The following DNM3 variants were observed in gnomAD, a reference collection of about 807,000 sequenced individuals.
The protein encoded by DNM3 is dynamin 3.
DNM3 carries 47 observed loss-of-function variants against 101.6 expected under a neutral mutation model. That is an observed-to-expected ratio of 0.46 (90% CI 0.37 to 0.59). The LOEUF (loss-of-function observed/expected upper bound fraction) is 0.59. DNM3 is among the 20% of genes least tolerant of loss of function. DNM3 has a pLI of 0.00. For missense variants in DNM3, 849 were observed against 1,085.7 expected (o/e 0.78, Z 3.06); for synonymous variants, 385 against 387.9 (o/e 0.99, Z 0.09).
At chr1:172,407,502 G>A (rs1354004502) in intron 20 of DNM3, among the ~76,000 whole-genome samples, 1 of 151,860 alleles carries the variant, frequency 6.6e-6, no homozygotes. Flanking sequence ...CGTTTCAGAT[G>A]GCTTTCAAAT....
chr1:172,221,576 T>G (rs2060907825), intron 14 of DNM3, among the ~76,000 whole-genome samples: 1 of 152,174 alleles, frequency 6.6e-6, no homozygotes, highest in African/African-American at 2.4e-5. Flanking sequence ...TTCATTCTAC[T>G]AATACTAAGT....
At chr1:172,275,830 A>G (rs1423993523) in intron 15 of DNM3, among the ~76,000 whole-genome samples, 1 of 152,114 alleles carries the variant, frequency 6.6e-6, no homozygotes, top group African/African-American at 2.4e-5. Flanking sequence ...CTTGAAGAGT[A>G]TTTCCTTACT....
At chr1:172,351,556 C>T (rs940910049) in intron 17 of DNM3, among the ~76,000 whole-genome samples, 2 of 152,184 alleles carry the variant, frequency 1.3e-5, no homozygotes, top group African/African-American at 4.8e-5. Flanking sequence ...AAAAATTCTT[C>T]AGGCTGAAAC....
chr1:172,242,728 C>T (rs2061795638), intron 14 of DNM3, among the ~76,000 whole-genome samples: 1 of 152,198 alleles, frequency 6.6e-6, no homozygotes, highest in Non-Finnish European at 1.5e-5. Flanking sequence ...CAGGCATGAG[C>T]TCCTGTACCT....
intron 15 of DNM3, among the ~76,000 whole-genome samples, chr1:172,268,379 C>T (rs1573219586): frequency 6.6e-6 from 1 of 151,972 alleles, no homozygotes; most frequent in African/African-American, 2.4e-5. Flanking sequence ...TTGTTCTAGT[C>T]CCTCATTGCA....
At chr1:172,241,432 G>A (rs1487023220) in intron 14 of DNM3, among the ~76,000 whole-genome samples, 2 of 151,780 alleles carry the variant, frequency 1.3e-5, no homozygotes, top group Non-Finnish European at 2.9e-5. Context: ...TGCTTTACTG[G>A]CTATTCATTT....
At chr1:171,980,223 GGGTCC>G (rs1279014758) in intron 2 of DNM3, among the ~76,000 whole-genome samples, 2 of 146,976 alleles carry the variant, frequency 1.4e-5, no homozygotes, top group African/African-American at 5.1e-5. Context: ...TTTTATATCT[GGGTCC>G]TATGTAATTA....
chr1:171,993,478 C>T (rs918761085), intron 4 of DNM3, among the ~76,000 whole-genome samples: 1 of 149,420 alleles, frequency 6.7e-6, no homozygotes, highest in African/African-American at 2.5e-5. Context: ...ATTTTCTTCT[C>T]TCCTGCTGCT....
At chr1:171,862,327 A>C (rs2034260485) in intron 1 of DNM3, among the ~76,000 whole-genome samples, 2 of 152,236 alleles carry the variant, frequency 1.3e-5, no homozygotes, top group Non-Finnish European at 2.9e-5. Context: ...CAAAAGGTGG[A>C]AACACCCAAA....
At chr1:172,005,462 T>C (rs1030612516) in intron 4 of DNM3, among the ~76,000 whole-genome samples, 1 of 152,050 alleles carries the variant, frequency 6.6e-6, no homozygotes, top group Non-Finnish European at 1.5e-5. Flanking sequence ...CACTCAGCAA[T>C]GTTGACCATT....
Position 172,081,848 on chromosome 1 carries a change from A to G in DNM3, c.1439A>G (p.Asp480Gly). 6.2e-7 allele frequency: 1 copy of G among 1,612,800 alleles called. No homozygotes were observed. Residue 480 changes from aspartate (D) to glycine (G), a missense_variant, in exon 12 of 21, where the codon GAC (aspartate) becomes GGC (glycine). This residue lies in a region of DNM3 where 193 missense variants were observed against 238.4 expected (regional missense o/e 0.81). Transcript: ENST00000627582. ...KTKDQVLLLIDIQVSYINTNH... is the reference protein window; with the variant it reads ...KTKDQVLLLIGIQVSYINTNH... ...GACTTATAGGTATTGCTATTGATTG[A>G]CATTCAAGTCTCTTACATCAACACC...
Position 172,139,210 on chromosome 1 carries a change from C to A in DNM3, c.1659+7922C>A, listed in dbSNP as rs139031456. 175 of 269,556 alleles carry A rather than the reference C, an allele frequency of 6.5e-4. 2 individuals are homozygous for A. The East Asian group carries it at 0.011, about 16-fold the overall frequency. The allele number at this position is 269,556 out of a possible 1,614,324, so 16.7% of individuals were successfully genotyped here. Reference sequence around the variant, plus strand: ...AGTCCAATTCATATTATTACTGGCCCACATGTAGTCAGAGTTCAGCGTAAT... The same window carrying A: ...AGTCCAATTCATATTATTACTGGCCAACATGTAGTCAGAGTTCAGCGTAAT... On this transcript the variant is annotated intron_variant, in intron 14 of 20. Coordinates refer to ENST00000627582, the MANE Select transcript of DNM3 (RefSeq NM_015569.5).
intron 2 of DNM3, among the ~76,000 whole-genome samples, chr1:171,950,394 T>C (rs1410348178): frequency 6.6e-6 from 1 of 152,102 alleles, no homozygotes; most frequent in African/African-American, 2.4e-5. Context: ...AACCATGAGA[T>C]CATGAGGTAA....
At chr1:171,855,401 G>A (rs2033489802) in intron 1 of DNM3, among the ~76,000 whole-genome samples, 1 of 152,164 alleles carries the variant, frequency 6.6e-6, no homozygotes, top group Non-Finnish European at 1.5e-5. Context: ...CCCAGTAATG[G>A]GATTGTTGGA....
At position 172,277,803 on chromosome 1, in the gene DNM3, T is replaced by C. The variant is rs138343467; in HGVS notation, c.1769+24121T>C. Among the ~76,000 whole-genome samples, 348 of 151,110 alleles carry C rather than the reference T, an allele frequency of 2.3e-3. 1 individual carries two copies. Among genetic ancestry groups the C allele is most frequent in the African/African-American group, 8.1e-3 (330 of 40,546 alleles). ...ATGTCATTGAATTATGTGACTGTGA[T>C]TTTCCCCCAAATTGAAAACTACTAG... On this transcript the variant is annotated intron_variant, in intron 15 of 20. Transcript: ENST00000627582.
intron 17 of DNM3, among the ~76,000 whole-genome samples, chr1:172,344,810 A>T (rs1299514952): frequency 6.6e-6 from 1 of 152,236 alleles, no homozygotes; most frequent in African/African-American, 2.4e-5. Flanking sequence ...TCAAAATATT[A>T]ATGGTTGATT....
chr1:172,080,616 C>T (rs1156360103), intron 11 of DNM3, among the ~76,000 whole-genome samples: 1 of 152,180 alleles, frequency 6.6e-6, no homozygotes, highest in African/African-American at 2.4e-5. Context: ...CTTCAGCCCC[C>T]TTTCCAGGGG....
At chr1:172,274,723 G>GT (rs375210621) in intron 15 of DNM3, among the ~76,000 whole-genome samples, 51,576 of 116,870 alleles carry the variant, frequency 0.44, 9,171 homozygotes, top group Admixed American at 0.49. Context: ...TCTAGTGAAG[G>GT]TTTTTTTTTT....
At chr1:172,172,049 G>A (rs565816008) in intron 14 of DNM3, among the ~76,000 whole-genome samples, 1 of 151,596 alleles carries the variant, frequency 6.6e-6, no homozygotes, top group East Asian at 2.0e-4. Flanking sequence ...ATTTATTGAT[G>A]GAGTAAACAG....
Sources: allele counts gnomAD v4.1 joint callset (sites outside exome capture counted in the v4.1 genomes callset), GRCh38; gene constraint gnomAD v4.1.1; regional missense constraint gnomAD v4.1.1; transcripts MANE v1.5; gene names NCBI Gene and HGNC (gene_info 2026-07-23, HGNC 2026-07-21).